The following EFNA5 variants were observed in gnomAD, a reference collection of about 807,000 sequenced individuals.
EFNA5 encodes ephrin-A5.
Under a neutral mutation model 22.9 loss-of-function variants are expected in EFNA5, and 5 were observed. The observed-to-expected ratio is 0.22, with a 90% confidence interval of 0.11 to 0.46. The LOEUF is 0.46. Among genes scored for constraint, EFNA5 ranks in the 20% least tolerant of loss-of-function variants. The pLI, the probability that EFNA5 is intolerant of heterozygous loss-of-function variation, is 0.99. For missense variants in EFNA5, 237 were observed against 293.3 expected, an observed-to-expected ratio of 0.81 and a Z score of 1.40; for synonymous variants, 113 against 112.2, an observed-to-expected ratio of 1.01 and a Z score of -0.04.
intron 2 of EFNA5, among the ~76,000 whole-genome samples, chr5:107,397,420 G>A (rs1050808409): frequency 2.0e-5 from 3 of 151,996 alleles, no homozygotes; most frequent in African/African-American, 4.8e-5. Flanking sequence ...GTGGTGGCAG[G>A]CGCCTGTAAT....
intron 1 of EFNA5, among the ~76,000 whole-genome samples, chr5:107,614,362 C>T (rs940162146): frequency 3.9e-5 from 6 of 152,114 alleles, no homozygotes; most frequent in Non-Finnish European, 8.8e-5. Context: ...GTTTTCATAA[C>T]ATCAGGTAGT....
chr5:107,657,724 T>C (rs950903178), intron 1 of EFNA5, among the ~76,000 whole-genome samples: 3 of 152,144 alleles, frequency 2.0e-5, no homozygotes, highest in Non-Finnish European at 4.4e-5. Flanking sequence ...ACAAACCGTT[T>C]TATCTCTTTT....
At chr5:107,655,361 C>A (rs1750800639) in intron 1 of EFNA5, among the ~76,000 whole-genome samples, 1 of 152,034 alleles carries the variant, frequency 6.6e-6, no homozygotes. Context: ...ATAAGAGCAA[C>A]AAAGGTAAAT....
At chr5:107,648,873 T>C (rs1750677377) in intron 1 of EFNA5, among the ~76,000 whole-genome samples, 1 of 152,168 alleles carries the variant, frequency 6.6e-6, no homozygotes, top group Admixed American at 6.6e-5. Context: ...CTTCAAAAGT[T>C]TACACAATGT....
intron 1 of EFNA5, among the ~76,000 whole-genome samples, chr5:107,508,471 T>C (rs1056370274): frequency 1.3e-5 from 2 of 152,224 alleles, no homozygotes; most frequent in African/African-American, 2.4e-5. Flanking sequence ...CATAGTTTAA[T>C]TCCTGTATAT....
intron 1 of EFNA5, among the ~76,000 whole-genome samples, chr5:107,631,853 T>C (rs1294705102): frequency 6.6e-6 from 1 of 152,246 alleles, no homozygotes; most frequent in Non-Finnish European, 1.5e-5. Flanking sequence ...TTTGTATTTA[T>C]ATGCAATTTA....
chr5:107,439,194 TGTCCTTATA>T lies in EFNA5; in HGVS notation c.126-11694_126-11686del, dbSNP rs1749191897. ...TGGGGCCCTAATCCAACAGGATTAG[TGTCCTTATA>T]TGAATAGCAGAGAGCTCATTCTCCT... On this transcript the variant is annotated intron_variant, in intron 1 of 4. Transcript: ENST00000333274. Among the ~76,000 whole-genome samples, 3 of 152,238 alleles carry T rather than the reference TGTCCTTATA, an allele frequency of 2.0e-5. No individual in the cohort carries two copies. The South Asian group carries it at 6.2e-4, about 32-fold the overall frequency.
chr5:107,624,017 G>C (rs753039071), intron 1 of EFNA5, among the ~76,000 whole-genome samples: 3 of 151,822 alleles, frequency 2.0e-5, no homozygotes, highest in Non-Finnish European at 4.4e-5. Flanking sequence ...TCTTAAAATA[G>C]AATTTCTTTT....
At chr5:107,501,201 T>G (rs1747125866) in intron 1 of EFNA5, among the ~76,000 whole-genome samples, 2 of 152,238 alleles carry the variant, frequency 1.3e-5, no homozygotes, top group South Asian at 4.1e-4. Flanking sequence ...TTGCATGGAT[T>G]AAGCCTCACT....
chr5:107,469,789 C>G (rs1750090017), intron 1 of EFNA5, among the ~76,000 whole-genome samples: 2 of 151,950 alleles, frequency 1.3e-5, no homozygotes, highest in Non-Finnish European at 2.9e-5. Context: ...TAAAAGAAAA[C>G]AAACATGCAC....
At chr5:107,453,950 T>C (rs1203083657) in intron 1 of EFNA5, among the ~76,000 whole-genome samples, 1 of 149,420 alleles carries the variant, frequency 6.7e-6, no homozygotes, top group Non-Finnish European at 1.5e-5. Flanking sequence ...AGTGTGAGTG[T>C]GTGTGTGTGT....
rs7717263 is a variant in EFNA5 at position 107,420,548 on chromosome 5, A to G, written c.418+6669T>C. Among the ~76,000 whole-genome samples, 16 of 105,076 alleles carry G rather than the reference A, an allele frequency of 1.5e-4. No individual in the cohort carries two copies. In the East Asian group the frequency reaches 4.8e-3, roughly 32 times the overall value. 68.9% of individuals were successfully genotyped at this position (105,076 alleles called of 152,430 possible). ...AAAAAAAAAAAAAAAAAAGAAAAAA[A>G]AAAAAGAAAAAAAACACACGCAAAC... is the stretch of plus-strand genomic sequence containing the variant. On this transcript the variant is annotated intron_variant, in intron 2 of 4. Transcript: ENST00000333274.
At chr5:107,623,355 G>A (rs915955162) in intron 1 of EFNA5, among the ~76,000 whole-genome samples, 10 of 152,080 alleles carry the variant, frequency 6.6e-5, no homozygotes, top group Non-Finnish European at 1.3e-4. Context: ...ACCAAATACA[G>A]TTTAAATTCC....
At position 107,670,555 on chromosome 5, in the gene EFNA5, C is replaced by G; in HGVS notation, c.59G>C (p.Ser20Thr). The G allele has an allele frequency of 6.3e-7, 1 of 1,598,364 alleles. No individual in the cohort carries two copies. The highest frequency in any genetic ancestry group is 8.5e-7 in the Non-Finnish European group (1 of 1,172,546). The change falls in exon 1 of 5, where the codon AGC (serine) becomes ACC (threonine). Residue 20 changes from serine to threonine, a missense_variant. Physicochemically the swap from Ser to Thr is moderately conservative, Grantham distance 58. Transcript: ENST00000333274. ...GACGGCCTTGGAGCCCGGGTCCTGG[C>G]TGAACACACACATCCAGAGCACCAG... ...VFLVLWMCVFSQDPGSKAVAD... is the reference protein window; with the variant it reads ...VFLVLWMCVFTQDPGSKAVAD...
intron 1 of EFNA5, among the ~76,000 whole-genome samples, chr5:107,573,389 C>T (rs868084520): frequency 5.3e-5 from 8 of 152,080 alleles, no homozygotes; most frequent in African/African-American, 1.9e-4. Flanking sequence ...CAAATGCTCT[C>T]ATTTCAGAAT....
chr5:107,564,808 T>C (rs1748629207), intron 1 of EFNA5, among the ~76,000 whole-genome samples: 1 of 152,186 alleles, frequency 6.6e-6, no homozygotes, highest in Admixed American at 6.5e-5. Flanking sequence ...CATTAAATTA[T>C]ATCACTGTCT....
chr5:107,629,255 T>C (rs1386739836), intron 1 of EFNA5, among the ~76,000 whole-genome samples: 2 of 152,160 alleles, frequency 1.3e-5, no homozygotes, highest in Admixed American at 6.5e-5. Context: ...TGATTCTAAA[T>C]ATTCTACATT....
chr5:107,495,156 T>C (rs1329378336), intron 1 of EFNA5, among the ~76,000 whole-genome samples: 1 of 152,156 alleles, frequency 6.6e-6, no homozygotes, highest in Admixed American at 6.5e-5. Flanking sequence ...TTTCGCTCTT[T>C]GCAATAAATC....
At chr5:107,666,971 AG>A (rs1303983243) in intron 1 of EFNA5, among the ~76,000 whole-genome samples, 4 of 152,112 alleles carry the variant, frequency 2.6e-5, no homozygotes, top group Non-Finnish European at 5.9e-5. Context: ...TTTATTTAAA[AG>A]CTTTTTACAT....
Sources: allele counts gnomAD v4.1 joint callset (sites outside exome capture counted in the v4.1 genomes callset), GRCh38; gene constraint gnomAD v4.1.1; transcripts MANE v1.5; gene names NCBI Gene and HGNC (gene_info 2026-07-23, HGNC 2026-07-21).